The following PEX5L variants were observed in gnomAD, a reference collection of about 807,000 sequenced individuals.
The protein encoded by PEX5L is PEX5-related protein.
Under a neutral mutation model 84.0 loss-of-function variants are expected in PEX5L, and 30 were observed. The observed-to-expected ratio is 0.36, with a 90% CI of 0.27 to 0.48. The LOEUF (loss-of-function observed/expected upper bound fraction) is 0.48. Ranked by LOEUF, PEX5L falls within the 20% of genes least tolerant of loss-of-function variation. PEX5L has a pLI of 0.99. For missense variants in PEX5L, 533 were observed against 754.6 expected (o/e 0.71, Z 3.44); for synonymous variants, 270 against 283.1 (o/e 0.95, Z 0.46).
At chr3:180,026,009 T>A (rs1462799888) in intron 1 of PEX5L, among the ~76,000 whole-genome samples, 1 of 152,156 alleles carries the variant, frequency 6.6e-6, no homozygotes, top group African/African-American at 2.4e-5. Flanking sequence ...GGTGAAGCCA[T>A]GGTTTGAACT....
chr3:179,797,919 C>T lies in PEX5L; in HGVS notation c.*3909G>A, dbSNP rs1201055096. ...CAACTAGCTTAAAGTACAGTCCAAT[C>T]TTGGGGAACTGATTCAGGGCAAATG... On this transcript the variant is annotated 3_prime_UTR_variant, in exon 15 of 15. Transcript: ENST00000467460. 1 of 152,122 alleles carries T rather than the reference C, an allele frequency of 6.6e-6. No individual in the cohort carries two copies. Among genetic ancestry groups the T allele is most frequent in the East Asian group, 1.9e-4 (1 of 5,194 alleles). The allele number at this position is 152,122 out of a possible 1,614,324, so 9.4% of individuals were successfully genotyped here. A position where few individuals can be genotyped will look rare whatever the true frequency, so the allele number is the denominator to read the frequency against.
intron 1 of PEX5L, among the ~76,000 whole-genome samples, chr3:180,019,435 C>A (rs553633452): frequency 9.2e-5 from 14 of 152,168 alleles, no homozygotes; most frequent in Non-Finnish European, 2.1e-4. Context: ...GCTCCTGGCT[C>A]TGGTTGGAAT....
At chr3:179,877,923 T>C (rs569330695) in intron 5 of PEX5L, among the ~76,000 whole-genome samples, 27 of 152,340 alleles carry the variant, frequency 1.8e-4, no homozygotes, top group African/African-American at 6.3e-4. Flanking sequence ...TGTATGCCAC[T>C]AGTTTGAACA....
At position 179,809,040 on chromosome 3, in the gene PEX5L, C is replaced by G. The variant is rs553725292; in HGVS notation, c.1352+431G>C. Reference sequence around the variant, plus strand: ...AGTGAGCCGAGATTGTGCCACTGCACTCCAGCCTGGGCGACAGAGTGAGAT... The same window carrying G: ...AGTGAGCCGAGATTGTGCCACTGCAGTCCAGCCTGGGCGACAGAGTGAGAT... On this transcript the variant is annotated intron_variant, in intron 12 of 14. Coordinates refer to ENST00000467460, the MANE Select transcript of PEX5L (RefSeq NM_016559.3). Among the ~76,000 whole-genome samples the G allele has an allele frequency of 2.8e-4, 34 of 120,620 alleles. No homozygotes were observed. In the East Asian group the frequency reaches 8.6e-3, roughly 31 times the overall value. 79.1% of individuals were successfully genotyped at this position (120,620 alleles called of 152,430 possible).
chr3:179,918,750 T>C (rs1768169876), intron 2 of PEX5L, among the ~76,000 whole-genome samples: 1 of 152,160 alleles, frequency 6.6e-6, no homozygotes, highest in African/African-American at 2.4e-5. Context: ...TTCTTTCTTC[T>C]TTTTTTCTTC....
At chr3:179,928,361 T>A (rs1772068439) in intron 2 of PEX5L, among the ~76,000 whole-genome samples, 1 of 152,202 alleles carries the variant, frequency 6.6e-6, no homozygotes, top group Admixed American at 6.5e-5. Flanking sequence ...TGGGAACACC[T>A]GTACCCATCC....
At chr3:179,810,719 G>A (rs1186796709) in intron 11 of PEX5L, among the ~76,000 whole-genome samples, 2 of 152,156 alleles carry the variant, frequency 1.3e-5, no homozygotes, top group Non-Finnish European at 2.9e-5. Context: ...TCAGCACTGG[G>A]TAGAGAGGTT....
Position 179,819,980 on chromosome 3 carries a change from G to C in PEX5L, c.823-4C>G. 6 of 1,612,422 alleles carry C rather than the reference G, an allele frequency of 3.7e-6. No individual in the cohort carries two copies. The highest frequency in any genetic ancestry group is 4.5e-5 in the East Asian group (2 of 44,848). ...TATCCCAAAACTCTGTATCTGACTGGGAGACAGGAAAAATGAATGGAGATG... is the reference window on the plus strand; with the variant it reads ...TATCCCAAAACTCTGTATCTGACTGCGAGACAGGAAAAATGAATGGAGATG... On this transcript the variant is annotated splice_region_variant and splice_polypyrimidine_tract_variant and intron_variant, in intron 8 of 14. Coordinates refer to ENST00000467460, the MANE Select transcript of PEX5L (RefSeq NM_016559.3).
chr3:179,923,319 A>G (rs1474831252), intron 2 of PEX5L, among the ~76,000 whole-genome samples: 4 of 139,224 alleles, frequency 2.9e-5, no homozygotes, highest in African/African-American at 1.1e-4. Flanking sequence ...AAACACCCTC[A>G]AGTGAATTCT....
At chr3:180,004,938 T>C (rs996004867) in intron 1 of PEX5L, among the ~76,000 whole-genome samples, 2 of 152,290 alleles carry the variant, frequency 1.3e-5, no homozygotes, top group Non-Finnish European at 1.5e-5. Context: ...AAATTTTGCT[T>C]AGTATTTTTG....
intron 8 of PEX5L, among the ~76,000 whole-genome samples, chr3:179,829,843 C>T (rs183828046): frequency 0.026 from 3,547 of 135,296 alleles, 60 homozygotes; most frequent in Non-Finnish European, 0.034. Flanking sequence ...GTGGCGTGAT[C>T]TTGGCTCACT....
intron 2 of PEX5L, among the ~76,000 whole-genome samples, chr3:179,926,921 G>C (rs1205634093): frequency 2.0e-5 from 3 of 152,176 alleles, no homozygotes; most frequent in African/African-American, 7.2e-5. Context: ...CCATTTTAGT[G>C]TGTTTAGGAA....
intron 10 of PEX5L, among the ~76,000 whole-genome samples, chr3:179,815,310 C>A (rs750411483): frequency 2.0e-5 from 3 of 152,218 alleles, no homozygotes; most frequent in Non-Finnish European, 2.9e-5. Flanking sequence ...TACCGCTGGG[C>A]GCGGTGGCTC....
intron 2 of PEX5L, among the ~76,000 whole-genome samples, chr3:179,939,360 C>G (rs934361728): frequency 3.3e-5 from 5 of 152,158 alleles, no homozygotes; most frequent in African/African-American, 1.2e-4. Context: ...GATAACTTGT[C>G]AGAAGTGCAA....
intron 1 of PEX5L, among the ~76,000 whole-genome samples, chr3:179,991,695 C>A (rs1262347216): frequency 6.6e-6 from 1 of 152,080 alleles, no homozygotes; most frequent in Non-Finnish European, 1.5e-5. Context: ...CCATCTCTGA[C>A]TCTCCCTCAG....
chr3:179,883,432 T>G (rs568950084), intron 4 of PEX5L, among the ~76,000 whole-genome samples: 1 of 152,312 alleles, frequency 6.6e-6, no homozygotes, highest in East Asian at 1.9e-4. Context: ...TATTTTGGTG[T>G]CCTGATGTTC....
At chr3:179,844,691 T>G (rs1738629655) in intron 8 of PEX5L, among the ~76,000 whole-genome samples, 2 of 151,980 alleles carry the variant, frequency 1.3e-5, no homozygotes, top group African/African-American at 2.4e-5. Flanking sequence ...TTAGCTGGGC[T>G]TGGTGGCAGG....
At chr3:179,924,691 T>A (rs1436495784) in intron 2 of PEX5L, among the ~76,000 whole-genome samples, 1 of 152,164 alleles carries the variant, frequency 6.6e-6, no homozygotes, top group Non-Finnish European at 1.5e-5. Flanking sequence ...TGCATTTCCA[T>A]GATCCTAATA....
At chr3:179,975,501 C>T (rs1785662714) in intron 1 of PEX5L, among the ~76,000 whole-genome samples, 1 of 152,170 alleles carries the variant, frequency 6.6e-6, no homozygotes, top group East Asian at 1.9e-4. Context: ...TTAGCCCTAA[C>T]TGCAATTTTT....
Sources: gnomAD v4.1 joint callset for allele counts (sites outside exome capture counted in the v4.1 genomes callset) on GRCh38, gnomAD v4.1.1 for gene constraint, MANE v1.5 for transcripts, NCBI Gene and HGNC (gene_info 2026-07-23, HGNC 2026-07-21) for gene names.